NUP155: variants seen among roughly 807,000 people sequenced by gnomAD.
NUP155 encodes the protein nuclear pore complex protein Nup155.
Under a neutral mutation model 180.4 loss-of-function variants are expected in NUP155, and 71 were observed. The ratio of observed to expected loss-of-function variants is 0.39; its 90% CI spans 0.33 to 0.48. NUP155 has a LOEUF of 0.48. Ranked by LOEUF, NUP155 falls within the 20% of genes least tolerant of loss-of-function variation. The pLI, the probability that NUP155 is intolerant of heterozygous loss-of-function variation, is 0.91. For missense variants in NUP155, 1,553 were observed against 1,648.9 expected, an observed-to-expected ratio of 0.94 and a Z score of 1.01; for synonymous variants, 582 against 559.5, an observed-to-expected ratio of 1.04 and a Z score of -0.57.
chr5:37,359,612 C>T (rs1259664817), intron 3 of NUP155, among the ~76,000 whole-genome samples: 1 of 152,034 alleles, frequency 6.6e-6, no homozygotes, highest in Admixed American at 6.6e-5. Context: ...AAAGACATGC[C>T]CATTTCTAAG....
chr5:37,293,243 A>T lies in NUP155; in HGVS notation c.3931-258T>A. 3 of 358,180 alleles carry T rather than the reference A, an allele frequency of 8.4e-6. No individual in the cohort carries two copies. In the South Asian group the frequency reaches 9.5e-5, roughly 11 times the overall value. 22.2% of individuals were successfully genotyped at this position (358,180 alleles called of 1,614,324 possible). A position where few individuals can be genotyped will look rare whatever the true frequency, so the allele number is the denominator to read the frequency against. ...CCAATCTACTTTGCAGAGCATGTAA[A>T]TGTCCCGCTTAGGAATCTGAGATAA... On this transcript the variant is annotated intron_variant, in intron 33 of 34. Coordinates refer to ENST00000231498, the MANE Select transcript of NUP155 (RefSeq NM_153485.3).
At chr5:37,297,976 G>A (rs1742677773) in intron 32 of NUP155, among the ~76,000 whole-genome samples, 1 of 150,500 alleles carries the variant, frequency 6.6e-6, no homozygotes, top group African/African-American at 2.4e-5. Flanking sequence ...AGTGGCGAAC[G>A]CCTTTAATCC....
intron 4 of NUP155, among the ~76,000 whole-genome samples, chr5:37,353,750 A>AT (rs1746624477): frequency 6.6e-6 from 1 of 152,206 alleles, no homozygotes; most frequent in African/African-American, 2.4e-5. Context: ...TCAAATTCTT[A>AT]CAGACAAAAA....
rs754963210 is a variant in NUP155, at chr5:37,301,542, C to A, written c.3456G>T (p.Arg1152Ser). 8 of 1,598,962 alleles carry A rather than the reference C, an allele frequency of 5.0e-6. No individual in the cohort carries two copies. The South Asian group carries it at 8.8e-5, about 18-fold the overall frequency. Residue 1152 changes from arginine to serine, a missense_variant, in exon 30 of 35, where the codon AGG (arginine) becomes AGT (serine). Coordinates refer to ENST00000231498, the MANE Select transcript of NUP155 (RefSeq NM_153485.3). Reference sequence around the variant, plus strand: ...GTGTCTCCTGTATCTGAAGTTGGATCCTAGCAACCTAGTTTGGGCAGAAAA... The same window carrying A: ...GTGTCTCCTGTATCTGAAGTTGGATACTAGCAACCTAGTTTGGGCAGAAAA... Reference protein sequence around the residue: ...HELEEKMEVARIQLQIQETLQ... With the variant: ...HELEEKMEVASIQLQIQETLQ...
intron 33 of NUP155, 68 bp downstream of exon 33, chr5:37,294,261 C>T: frequency 9.2e-7 from 1 of 1,083,658 alleles, no homozygotes; most frequent in Non-Finnish European, 1.4e-6. Context: ...TCAAAATACC[C>T]CACTCTATAT....
intron 23 of NUP155, chr5:37,309,586 T>G: frequency 4.0e-6 from 1 of 249,610 alleles, no homozygotes. Flanking sequence ...TAGGAAAGGA[T>G]CAATAAAAAT....
At position 37,301,474 on chromosome 5, in the gene NUP155, A is replaced by T; in HGVS notation, c.3524T>A (p.Val1175Asp). The T allele has an allele frequency of 6.2e-7, 1 of 1,613,620 alleles. No homozygotes were observed. Among genetic ancestry groups the T allele is most frequent in the Non-Finnish European group, 8.5e-7 (1 of 1,179,544 alleles). ...CATCAGCTCAGAATCCAGCTGAGAA[A>T]CTGCATCCTGTACAGAAGAATGATG... The part of the protein sequence containing the change: ...YSHHSSVQDA[V>D]SQLDSELMDI... Residue 1175 changes from valine (V) to aspartate (D), a missense_variant, in exon 30 of 35, where the codon GTT (valine) becomes GAT (aspartate). Transcript: ENST00000231498.
intron 1 of NUP155, among the ~76,000 whole-genome samples, chr5:37,368,548 A>G (rs1747753547): frequency 6.6e-6 from 1 of 151,898 alleles, no homozygotes; most frequent in African/African-American, 2.4e-5. Context: ...GGCTGGGCAC[A>G]GTGGGTGACA....
At chr5:37,298,230 T>A (rs1287784291) in intron 32 of NUP155, among the ~76,000 whole-genome samples, 8 of 148,428 alleles carry the variant, frequency 5.4e-5, no homozygotes, top group African/African-American at 2.0e-4. Flanking sequence ...AGAGAAAGCC[T>A]CTGTCTCAAA....
intron 9 of NUP155, among the ~76,000 whole-genome samples, chr5:37,343,015 T>C (rs958478891): frequency 5.9e-5 from 9 of 152,300 alleles, no homozygotes; most frequent in Non-Finnish European, 1.0e-4. Context: ...AGTGCTGGGA[T>C]TGGGATTACA....
intron 32 of NUP155, among the ~76,000 whole-genome samples, chr5:37,295,530 C>T (rs1193629846): frequency 3.3e-5 from 5 of 150,696 alleles, no homozygotes; most frequent in South Asian, 4.2e-4. Context: ...GTGAGGAGCC[C>T]CTCTGCCTGG....
In NUP155 at chr5:37,294,403, T is replaced by C; in HGVS notation, c.3856A>G (p.Ile1286Val). ...CTLNWDVGFV[I>V]QTMNEIGVPL... ...ACTCCAATTTCATTCATTGTCTGTA[T>C]TACGAAGCCCACATCCCAGTTCAAA... The change falls in exon 33 of 35, where the codon ATA (isoleucine) becomes GTA (valine). Residue 1286 changes from isoleucine (I) to valine (V), a missense_variant. By Grantham distance (29) the Ile-to-Val change is conservative. Transcript: ENST00000231498. 2 of 1,611,516 alleles carry C rather than the reference T, an allele frequency of 1.2e-6. No individual in the cohort carries two copies. Among genetic ancestry groups the C allele is most frequent in the Non-Finnish European group, 1.7e-6 (2 of 1,177,648 alleles).
chr5:37,346,796 G>C (rs1352261434), intron 9 of NUP155, among the ~76,000 whole-genome samples: 1 of 152,168 alleles, frequency 6.6e-6, no homozygotes, highest in Admixed American at 6.6e-5. Flanking sequence ...ACTTATTTAG[G>C]AGTTAGATCT....
Position 37,371,030 on chromosome 5 carries a change from CA to C in NUP155, c.-54del. On this transcript the variant is annotated 5_prime_UTR_variant, in exon 1 of 35. Coordinates refer to ENST00000231498, the MANE Select transcript of NUP155 (RefSeq NM_153485.3). Reference sequence around the variant, plus strand: ...GAAAAAGTCAAAAACCAAGGAGAAACAAGAAAAGATCCAAGAAGTTAGCTTA... The same window carrying C: ...GAAAAAGTCAAAAACCAAGGAGAAACAGAAAAGATCCAAGAAGTTAGCTTA... The C allele has an allele frequency of 6.3e-7, 1 of 1,589,728 alleles. No individual in the cohort carries two copies. The highest frequency in any genetic ancestry group is 1.1e-5 in the South Asian group (1 of 90,638).
intron 28 of NUP155, 107 bp downstream of exon 28, chr5:37,303,153 G>C: frequency 7.7e-7 from 1 of 1,296,574 alleles, no homozygotes; most frequent in Non-Finnish European, 1.1e-6. Context: ...AAAAAATTTA[G>C]GTCAGTATAT....
chr5:37,322,327 AC>A (rs1744297547), intron 20 of NUP155, among the ~76,000 whole-genome samples: 1 of 152,300 alleles, frequency 6.6e-6, no homozygotes, highest in African/African-American at 2.4e-5. Context: ...TACCTCGTTA[AC>A]AATTCTAAGG....
At chr5:37,333,968 A>AT (rs1187298942) in intron 12 of NUP155, among the ~76,000 whole-genome samples, 2 of 151,806 alleles carry the variant, frequency 1.3e-5, no homozygotes, top group Non-Finnish European at 2.9e-5. Flanking sequence ...CGCCCAGCTA[A>AT]TTTTTTATTT....
In NUP155 at chr5:37,303,163, T is replaced by C. The variant is rs1742958702; in HGVS notation, c.3317+97A>G. The C allele has an allele frequency of 5.6e-6, 8 of 1,433,624 alleles. No homozygotes were observed. In the South Asian group the frequency reaches 8.6e-5, roughly 15 times the overall value. The allele number at this position is 1,433,624 out of a possible 1,614,324, so 88.8% of individuals were successfully genotyped here. A position where few individuals can be genotyped will look rare whatever the true frequency, so the allele number is the denominator to read the frequency against. On this transcript the variant is annotated intron_variant, in intron 28 of 34. Transcript: ENST00000231498. ...TATTTAAAAAATTTAGGTCAGTATA[T>C]TAAAACTTAGATTCTTCTAAAATTA...
At chr5:37,346,399 C>A (rs1013283075) in intron 9 of NUP155, among the ~76,000 whole-genome samples, 1 of 152,146 alleles carries the variant, frequency 6.6e-6, no homozygotes, top group African/African-American at 2.4e-5. Context: ...AGGTGGGGTG[C>A]AGTGGCTCAC....
Sources: gnomAD v4.1 joint callset for allele counts (sites outside exome capture counted in the v4.1 genomes callset) on GRCh38, gnomAD v4.1.1 for gene constraint, MANE v1.5 for transcripts, NCBI Gene and HGNC (gene_info 2026-07-23, HGNC 2026-07-21) for gene names.